Variants in USP28 observed in about 807,000 individuals in gnomAD.
USP28 encodes ubiquitin carboxyl-terminal hydrolase 28.
In USP28, 113 loss-of-function variants were observed where a neutral mutation model predicts 145.0. The ratio of observed to expected loss-of-function variants is 0.78; its 90% CI spans 0.67 to 0.91. The LOEUF (loss-of-function observed/expected upper bound fraction) is 0.91. USP28 is among the 40% of genes least tolerant of loss of function. The probability of loss-of-function intolerance (pLI) is 0.00; values close to 1 mark genes in which losing one functional copy is unlikely to be tolerated. For synonymous variants in USP28, 447 were observed against 450.9 expected (o/e 0.99, Z 0.11); for missense variants, 1,201 against 1,289.6 (o/e 0.93, Z 1.05).
At chr11:113,801,294 G>A (rs902362193) in intron 24 of USP28, among the ~76,000 whole-genome samples, 189 bp downstream of exon 25, 1 of 152,208 alleles carries the variant, frequency 6.6e-6, no homozygotes, top group East Asian at 1.9e-4. Flanking sequence ...GAAGCTAAAG[G>A]GAGGTTAAGA....
chr11:113,829,570 G>A, intron 9 of USP28: 2 of 500,268 alleles, frequency 4.0e-6, no homozygotes, highest in Non-Finnish European at 6.9e-6. Context: ...GCTTATGCCT[G>A]TAATCCCACC....
rs1234538021 is a variant in USP28, at chr11:113,864,098, A to G, written c.58-9763T>C. 9.8e-4 allele frequency among the ~76,000 whole-genome samples: 124 copies of G among 126,598 alleles called. No individual in the cohort carries two copies. The Middle Eastern group carries it at 0.016, about 17-fold the overall frequency. The allele number at this position is 126,598 out of a possible 152,430, so 83.1% of individuals were successfully genotyped here. On this transcript the variant is annotated intron_variant, in intron 1 of 24. Coordinates refer to ENST00000003302, the Ensembl canonical transcript of USP28. The stretch of plus-strand genomic sequence containing the variant: ...CTACTAAAAATACAAAAAATTAGCC[A>G]GGCATGGTGGCATGTGCCTGTAGTC...
At chr11:113,862,322 G>A (rs973740082) in intron 1 of USP28, among the ~76,000 whole-genome samples, 2 of 152,194 alleles carry the variant, frequency 1.3e-5, no homozygotes, top group African/African-American at 2.4e-5. Context: ...ACTCCAGCCT[G>A]GGCGACAAGA....
intron 2 of USP28, among the ~76,000 whole-genome samples, chr11:113,852,834 A>C (rs1946625508): frequency 6.6e-6 from 1 of 152,120 alleles, no homozygotes; most frequent in Non-Finnish European, 1.5e-5. Flanking sequence ...GGGAGTTTCC[A>C]TGCTCTGACT....
chr11:113,871,238 C>G (rs555412839), intron 1 of USP28, among the ~76,000 whole-genome samples: 2 of 152,300 alleles, frequency 1.3e-5, no homozygotes, highest in East Asian at 3.9e-4. Context: ...GCACACTCAA[C>G]TTTCTGCATG....
At chr11:113,850,149 T>C (rs973465103) in intron 3 of USP28, among the ~76,000 whole-genome samples, 2 of 152,152 alleles carry the variant, frequency 1.3e-5, no homozygotes, top group Non-Finnish European at 2.9e-5. Context: ...TCTCAAGCCC[T>C]GTTAAAGAGA....
intron 12 of USP28, among the ~76,000 whole-genome samples, chr11:113,822,876 G>A (rs543207137): frequency 8.5e-5 from 13 of 152,242 alleles, no homozygotes; most frequent in Admixed American, 5.9e-4. Context: ...TCTTAGGCCT[G>A]GTATGGAAAG....
chr11:113,812,123 C>T (rs1252814772), intron 16 of USP28, among the ~76,000 whole-genome samples, 153 bp downstream of exon 16: 1 of 152,062 alleles, frequency 6.6e-6, no homozygotes, highest in Admixed American at 6.6e-5. Flanking sequence ...ACTTGTTTTT[C>T]CTTTTCATTT....
At chr11:113,849,976 T>A (rs1007399912) in intron 3 of USP28, among the ~76,000 whole-genome samples, 1 of 152,196 alleles carries the variant, frequency 6.6e-6, no homozygotes, top group Non-Finnish European at 1.5e-5. Flanking sequence ...TCCACCTTCC[T>A]GGAGTGAGCC....
At chr11:113,843,129 G>A (rs1945397739) in intron 3 of USP28, among the ~76,000 whole-genome samples, 2 of 152,208 alleles carry the variant, frequency 1.3e-5, no homozygotes, top group Admixed American at 6.5e-5. Context: ...CTACTTGGGA[G>A]GCTGAGGCAG....
intron 1 of USP28, among the ~76,000 whole-genome samples, chr11:113,863,703 T>TG (rs1488899776): frequency 1.0e-4 from 15 of 149,758 alleles, no homozygotes; most frequent in African/African-American, 3.7e-4. Context: ...CCCAGCACTT[T>TG]GGGAGGCTGA....
intron 3 of USP28, among the ~76,000 whole-genome samples, chr11:113,849,606 A>G (rs1326096268): frequency 6.6e-6 from 1 of 152,126 alleles, no homozygotes; most frequent in African/African-American, 2.4e-5. Flanking sequence ...TTAAAGTAGG[A>G]CATGTCGATG....
intron 2 of USP28, 134 bp from the exon 3 acceptor site, chr11:113,852,767 A>G (rs1345058903): frequency 9.9e-7 from 1 of 1,010,904 alleles, no homozygotes. Flanking sequence ...TTATGAGACT[A>G]TGGTGGACAG....
chr11:113,827,259 T>C, exon 11 of USP28: 2 of 1,610,770 alleles, frequency 1.2e-6, no homozygotes, highest in South Asian at 2.2e-5. Context: ...TCTGAGGAAA[T>C]TCCAGCTTAT....
chr11:113,875,325 CCT>C, intron 1 of USP28, 118 bp downstream of exon 1: 1 of 836,300 alleles, frequency 1.2e-6, no homozygotes, highest in Non-Finnish European at 1.5e-6. Context: ...GGGCGCACCC[CCT>C]GTCCCGCCCG....
chr11:113,871,903 C>T (rs901566982), intron 1 of USP28, among the ~76,000 whole-genome samples: 1 of 152,220 alleles, frequency 6.6e-6, no homozygotes, highest in Non-Finnish European at 1.5e-5. Context: ...GGACCAGGGG[C>T]GCCTTGGGCT....
intron 11 of USP28, among the ~76,000 whole-genome samples, chr11:113,825,208 T>C (rs1591272476): frequency 6.6e-6 from 1 of 152,240 alleles, no homozygotes; most frequent in Non-Finnish European, 1.5e-5. Flanking sequence ...AGACTCCAGA[T>C]ATAGACCCCC....
intron 1 of USP28, among the ~76,000 whole-genome samples, chr11:113,854,828 A>T (rs1946870782): frequency 6.6e-6 from 1 of 152,278 alleles, no homozygotes; most frequent in African/African-American, 2.4e-5. Context: ...TTTGGTACTT[A>T]CGAAAGAAAT....
At chr11:113,834,070 C>A (rs192297434) in intron 6 of USP28, among the ~76,000 whole-genome samples, 179 bp downstream of exon 6, 8 of 152,282 alleles carry the variant, frequency 5.3e-5, no homozygotes, top group South Asian at 2.1e-4. Context: ...CTTAATTTTA[C>A]ATTTTTGCAT....
Sources: allele counts gnomAD v4.1 joint callset (sites outside exome capture counted in the v4.1 genomes callset), GRCh38; gene constraint gnomAD v4.1.1; transcripts MANE v1.5; gene names NCBI Gene and HGNC (gene_info 2026-07-23, HGNC 2026-07-21).